Variants in CACNB2 observed in about 807,000 individuals in gnomAD.
The protein encoded by CACNB2 is calcium voltage-gated channel auxiliary subunit beta 2.
CACNB2 carries 42 observed loss-of-function variants against 73.3 expected under a neutral mutation model. The ratio of observed to expected loss-of-function variants is 0.57; its 90% confidence interval spans 0.45 to 0.74. CACNB2 has a LOEUF of 0.74. Among genes scored for constraint, CACNB2 ranks in the 30% least tolerant of loss-of-function variants. The probability of loss-of-function intolerance (pLI) is 0.00; values close to 1 mark genes in which losing one functional copy is unlikely to be tolerated. For synonymous variants in CACNB2, 348 were observed against 310.3 expected, an observed-to-expected ratio of 1.12 and a Z score of -1.28; for missense variants, 940 against 853.0, an observed-to-expected ratio of 1.10 and a Z score of -1.27.
chr10:18,218,338 ATTAT>A (rs1342616724), intron 2 of CACNB2, among the ~76,000 whole-genome samples: 1 of 152,196 alleles, frequency 6.6e-6, no homozygotes, highest in Non-Finnish European at 1.5e-5. Flanking sequence ...TGTTTTCCAG[ATTAT>A]TGATTGCCAT....
chr10:18,393,198 C>CAA (rs11409619), intron 2 of CACNB2, among the ~76,000 whole-genome samples: 12,522 of 146,830 alleles, frequency 0.085, 634 homozygotes, highest in Non-Finnish European at 0.11. Flanking sequence ...GACTCCATGT[C>CAA]AAAAAAAAAA....
intron 2 of CACNB2, among the ~76,000 whole-genome samples, chr10:18,303,535 A>G (rs1316699594): frequency 6.6e-6 from 1 of 152,100 alleles, no homozygotes; most frequent in East Asian, 1.9e-4. Flanking sequence ...AAAAGGGAGA[A>G]AAAAGAAACA....
At chr10:18,463,724 C>T (rs2047711907) in intron 3 of CACNB2, among the ~76,000 whole-genome samples, 1 of 152,044 alleles carries the variant, frequency 6.6e-6, no homozygotes, top group African/African-American at 2.4e-5. Context: ...AGCCACCGTG[C>T]CTGGCCCCAA....
intron 3 of CACNB2, among the ~76,000 whole-genome samples, chr10:18,458,659 G>T (rs2047403882): frequency 6.6e-6 from 1 of 151,268 alleles, no homozygotes. Context: ...ATAAAATCAA[G>T]ATTTTTTTTC....
At chr10:18,211,644 T>G (rs1003209639) in intron 2 of CACNB2, among the ~76,000 whole-genome samples, 6 of 152,218 alleles carry the variant, frequency 3.9e-5, no homozygotes, top group African/African-American at 9.6e-5. Flanking sequence ...GATGTTTTCC[T>G]GTAAGATGTA....
chr10:18,483,446 G>A (rs781037027), intron 3 of CACNB2, among the ~76,000 whole-genome samples: 4 of 150,130 alleles, frequency 2.7e-5, no homozygotes, highest in Admixed American at 6.7e-5. Context: ...CAGGAGAATC[G>A]CTTGAACCCG....
chr10:18,298,916 C>T (rs1320052026), intron 2 of CACNB2, among the ~76,000 whole-genome samples: 1 of 151,860 alleles, frequency 6.6e-6, no homozygotes, highest in Admixed American at 6.6e-5. Flanking sequence ...GGGATAGTGC[C>T]TTTGGAGAAA....
intron 3 of CACNB2, among the ~76,000 whole-genome samples, chr10:18,430,610 A>G (rs2045843214): frequency 6.6e-6 from 1 of 152,198 alleles, no homozygotes; most frequent in Non-Finnish European, 1.5e-5. Flanking sequence ...AGCCTGGGCA[A>G]CAGAGTGAGA....
intron 2 of CACNB2, among the ~76,000 whole-genome samples, chr10:18,363,760 C>T (rs1004193487): frequency 1.3e-5 from 2 of 151,692 alleles, no homozygotes; most frequent in African/African-American, 2.4e-5. Context: ...CACCTAACCT[C>T]TCTGGAAATC....
chr10:18,171,590 A>G (rs1280108508), intron 2 of CACNB2, among the ~76,000 whole-genome samples: 1 of 147,676 alleles, frequency 6.8e-6, no homozygotes, highest in South Asian at 2.2e-4. Context: ...TCCAGTTTAA[A>G]AAAAAAAAAA....
chr10:18,245,096 T>TTC (rs1554776483), intron 2 of CACNB2, among the ~76,000 whole-genome samples: 8 of 151,410 alleles, frequency 5.3e-5, no homozygotes, highest in South Asian at 4.2e-4. Flanking sequence ...TTTTTTTTTT[T>TTC]CCCCAGTAAG....
chr10:18,270,043 G>A (rs922884526), intron 2 of CACNB2, among the ~76,000 whole-genome samples: 1 of 152,098 alleles, frequency 6.6e-6, no homozygotes, highest in Non-Finnish European at 1.5e-5. Flanking sequence ...CTGTAAAGTA[G>A]TACTCAAGAC....
intron 2 of CACNB2, among the ~76,000 whole-genome samples, chr10:18,381,958 T>A (rs1416251892): frequency 6.6e-6 from 1 of 152,010 alleles, no homozygotes. Context: ...GTTCTTTTAC[T>A]TGGTTCTTCA....
At chr10:18,428,908 G>T (rs1235713695) in intron 3 of CACNB2, among the ~76,000 whole-genome samples, 1 of 151,966 alleles carries the variant, frequency 6.6e-6, no homozygotes, top group Non-Finnish European at 1.5e-5. Context: ...CCAATAATTT[G>T]GTTTTATGTT....
chr10:18,533,995 CTTTCTG>C (rs1025432485), intron 10 of CACNB2, 75 bp from the exon 11 acceptor site: 41 of 1,381,022 alleles, frequency 3.0e-5, no homozygotes, highest in Non-Finnish European at 4.1e-5. Flanking sequence ...ACCTACTCAC[CTTTCTG>C]TTGAAGAAAC....
At chr10:18,428,369 T>C (rs1303283208) in intron 3 of CACNB2, among the ~76,000 whole-genome samples, 3 of 152,194 alleles carry the variant, frequency 2.0e-5, no homozygotes, top group Non-Finnish European at 4.4e-5. Flanking sequence ...TCATCACCCC[T>C]TATCTCCCTA....
intron 2 of CACNB2, among the ~76,000 whole-genome samples, chr10:18,336,260 A>C (rs952416653): frequency 6.6e-6 from 1 of 152,190 alleles, no homozygotes; most frequent in African/African-American, 2.4e-5. Flanking sequence ...GAAAGAAAGA[A>C]CCCTGAGCTA....
intron 3 of CACNB2, among the ~76,000 whole-genome samples, chr10:18,438,825 A>G (rs1258437337): frequency 6.6e-6 from 1 of 152,242 alleles, no homozygotes; most frequent in East Asian, 1.9e-4. Flanking sequence ...TAAAAATCTC[A>G]AAGTCCTCAT....
chr10:18,261,151 G>T (rs2131596103), intron 2 of CACNB2: 1 of 1,525,028 alleles, frequency 6.6e-7, no homozygotes, highest in Non-Finnish European at 8.8e-7. Context: ...TAAGTGATTT[G>T]CTCATGCCTC....
Sources: gnomAD v4.1 joint callset for allele counts (sites outside exome capture counted in the v4.1 genomes callset) on GRCh38, gnomAD v4.1.1 for gene constraint, MANE v1.5 for transcripts, NCBI Gene and HGNC (gene_info 2026-07-23, HGNC 2026-07-21) for gene names.